Variants in DISC1 observed in about 807,000 individuals in gnomAD.
DISC1 encodes disrupted in schizophrenia 1 protein.
Under a neutral mutation model 84.5 loss-of-function variants are expected in DISC1, and 57 were observed. That is an observed-to-expected ratio of 0.67 (90% CI 0.55 to 0.84). DISC1 has a LOEUF of 0.84. DISC1 is among the 40% of genes least tolerant of loss of function. The pLI, the probability that DISC1 is intolerant of heterozygous loss-of-function variation, is 0.00. For synonymous variants in DISC1, 411 were observed against 415.2 expected, an observed-to-expected ratio of 0.99 and a Z score of 0.12; for missense variants, 1,000 against 1,057.8, an observed-to-expected ratio of 0.95 and a Z score of 0.76.
chr1:231,995,579 G>A (rs1296533868), intron 10 of DISC1, among the ~76,000 whole-genome samples: 1 of 152,002 alleles, frequency 6.6e-6, no homozygotes, highest in African/African-American at 2.4e-5. Flanking sequence ...CTATGAGTGA[G>A]AACATGCGGT....
chr1:231,818,726 C>G, intron 9 of DISC1: 1 of 1,411,190 alleles, frequency 7.1e-7, no homozygotes, highest in Non-Finnish European at 9.2e-7. Flanking sequence ...TCACATGTGA[C>G]ATCTTTTCTT....
At chr1:231,874,834 T>C (rs11122354) in intron 9 of DISC1, among the ~76,000 whole-genome samples, 150,840 of 151,228 alleles carry the variant, frequency 1, 75,229 homozygotes, top group Middle Eastern at 1. Flanking sequence ...TGGCGTGAAC[T>C]GGAGAGGCGG....
rs199785825 is a variant in DISC1, at chr1:231,771,173, G to A, written c.1634+103G>A. On this transcript the variant is annotated intron_variant, in intron 6 of 12. Coordinates refer to ENST00000439617, the MANE Select transcript of DISC1 (RefSeq NM_018662.3). ...TTCATTTCTAAACATTTCCCAAGCAGTCTGTATTTTTCAGTGGAAGCACCA... is the reference window on the plus strand; with the variant it reads ...TTCATTTCTAAACATTTCCCAAGCAATCTGTATTTTTCAGTGGAAGCACCA... The A allele has an allele frequency of 1.0e-3, 1,504 of 1,462,924 alleles. 4 individuals carry two copies. Among genetic ancestry groups the A allele is most frequent in the Non-Finnish European group, 1.3e-3 (1,385 of 1,106,566 alleles). The allele number at this position is 1,462,924 out of a possible 1,614,324, so 90.6% of individuals were successfully genotyped here.
Position 232,008,791 on chromosome 1 carries a change from G to A in DISC1, c.2049G>A (p.Lys683=). Residue 683 remains lysine, a synonymous_variant, in exon 11 of 13, where the codon AAG becomes AAA. Transcript: ENST00000439617. ...ETLKNKLCSC[K]CPLLGKVWEA... ...TGTTTCCTCTCTGTCTCAGCTGCAAGTGTCCACTGCTTGGGAAAGTGTGGG... is the reference window on the plus strand; with the variant it reads ...TGTTTCCTCTCTGTCTCAGCTGCAAATGTCCACTGCTTGGGAAAGTGTGGG... 1.3e-6 allele frequency: 2 copies of A among 1,559,266 alleles called. No homozygotes were observed. Among genetic ancestry groups the A allele is most frequent in the Non-Finnish European group, 1.7e-6 (2 of 1,153,036 alleles).
chr1:231,853,956 A>C (rs1310523515), intron 9 of DISC1, among the ~76,000 whole-genome samples: 1 of 152,162 alleles, frequency 6.6e-6, no homozygotes, highest in Non-Finnish European at 1.5e-5. Context: ...TGACAATAAT[A>C]ATCTGTTGTT....
At chr1:231,708,409 T>G (rs1385908306) in intron 3 of DISC1, among the ~76,000 whole-genome samples, 2 of 152,242 alleles carry the variant, frequency 1.3e-5, no homozygotes, top group Non-Finnish European at 2.9e-5. Flanking sequence ...GTGTAAGCAC[T>G]GTGCGTATAC....
chr1:231,792,798 G>A (rs1331468733), intron 6 of DISC1, among the ~76,000 whole-genome samples: 1 of 152,168 alleles, frequency 6.6e-6, no homozygotes, highest in African/African-American at 2.4e-5. Context: ...TCTCTCAAAA[G>A]ATCCAATCCC....
chr1:231,972,454 G>A (rs1662120626), intron 10 of DISC1, among the ~76,000 whole-genome samples: 1 of 152,154 alleles, frequency 6.6e-6, no homozygotes, highest in Admixed American at 6.5e-5. Flanking sequence ...GAATGAATAT[G>A]GCCCCATCTT....
At chr1:231,632,042 T>G (rs756038957) in intron 1 of DISC1, among the ~76,000 whole-genome samples, 66 of 152,302 alleles carry the variant, frequency 4.3e-4, no homozygotes, top group Non-Finnish European at 8.2e-4. Flanking sequence ...TTAGATATGT[T>G]TAGATGGAAA....
At chr1:231,906,171 C>T (rs1359682349) in intron 9 of DISC1, among the ~76,000 whole-genome samples, 4 of 151,964 alleles carry the variant, frequency 2.6e-5, no homozygotes, top group Admixed American at 1.3e-4. Flanking sequence ...CACAGACATG[C>T]GTTACCACGC....
At chr1:231,850,242 G>A (rs763703369) in intron 9 of DISC1, among the ~76,000 whole-genome samples, 4 of 152,186 alleles carry the variant, frequency 2.6e-5, no homozygotes, top group Non-Finnish European at 4.4e-5. Flanking sequence ...TGTCTTTATT[G>A]TGTCCCCATT....
chr1:231,961,269 C>T (rs1660341540), intron 10 of DISC1, among the ~76,000 whole-genome samples: 1 of 152,246 alleles, frequency 6.6e-6, no homozygotes. Context: ...TCCCCAGCTT[C>T]TCTGTGCAGC....
chr1:232,017,966 A>G (rs1668632173), intron 11 of DISC1, among the ~76,000 whole-genome samples: 1 of 152,178 alleles, frequency 6.6e-6, no homozygotes, highest in South Asian at 2.1e-4. Flanking sequence ...TGATCCAGTG[A>G]CTCAACCCAA....
intron 10 of DISC1, among the ~76,000 whole-genome samples, chr1:231,999,746 T>C (rs1021061604): frequency 5.6e-4 from 85 of 152,122 alleles, no homozygotes; most frequent in African/African-American, 1.7e-3. Context: ...TTCTGCCTTC[T>C]GCCCCTTCAG....
intron 4 of DISC1, among the ~76,000 whole-genome samples, chr1:231,764,401 TGGAAAGAAATGATTCCAC>T (rs2076006044): frequency 6.6e-6 from 1 of 152,220 alleles, no homozygotes; most frequent in Admixed American, 6.5e-5. Context: ...GAAAGATCAA[TGGAAAGAAATGATTCCAC>T]CACCCAGAGA....
At chr1:231,890,250 C>T (rs1374093271) in intron 9 of DISC1, among the ~76,000 whole-genome samples, 2 of 152,026 alleles carry the variant, frequency 1.3e-5, no homozygotes, top group Admixed American at 6.6e-5. Flanking sequence ...TGGCTCTGAT[C>T]GTGGGTAAGC....
chr1:231,994,573 C>T (rs2102933015), intron 10 of DISC1, among the ~76,000 whole-genome samples: 1 of 152,268 alleles, frequency 6.6e-6, no homozygotes, highest in East Asian at 1.9e-4. Context: ...TACCATCTTA[C>T]CTCATGAGGT....
chr1:231,720,784 A>G (rs2069561070), intron 3 of DISC1: 1 of 1,174,534 alleles, frequency 8.5e-7, no homozygotes, highest in Non-Finnish European at 1.1e-6. Flanking sequence ...CTTCTCCCAG[A>G]TAGTCACAGG....
At chr1:232,014,903 A>G (rs1361635545) in intron 11 of DISC1, among the ~76,000 whole-genome samples, 2 of 152,194 alleles carry the variant, frequency 1.3e-5, no homozygotes, top group South Asian at 2.1e-4. Context: ...TTAATATTTC[A>G]TCGCTCTACA....
Sources: allele counts gnomAD v4.1 joint callset (sites outside exome capture counted in the v4.1 genomes callset), GRCh38; gene constraint gnomAD v4.1.1; transcripts MANE v1.5; gene names NCBI Gene and HGNC (gene_info 2026-07-23, HGNC 2026-07-21).